Variants in SLC16A7 observed in about 807,000 individuals in gnomAD.
SLC16A7 encodes the protein monocarboxylate transporter 2.
In SLC16A7, 33 loss-of-function variants were observed where a neutral mutation model predicts 34.9. The ratio of observed to expected loss-of-function variants is 0.94; its 90% CI spans 0.72 to 1.26. The LOEUF is 1.26. SLC16A7 is among the 50% of genes most tolerant of loss of function. The pLI is 0.00. For missense variants in SLC16A7, 573 were observed against 578.1 expected (o/e 0.99, Z 0.09); for synonymous variants, 201 against 206.6 (o/e 0.97, Z 0.23).
intron 1 of SLC16A7, among the ~76,000 whole-genome samples, chr12:59,636,392 A>G (rs992609081): frequency 6.6e-6 from 1 of 152,128 alleles, no homozygotes; most frequent in Admixed American, 6.6e-5. Context: ...TGATTAAGTT[A>G]TTCTACAGAA....
At chr12:59,612,795 A>G (rs568672451) in intron 1 of SLC16A7, among the ~76,000 whole-genome samples, 12 of 152,342 alleles carry the variant, frequency 7.9e-5, no homozygotes, top group Admixed American at 3.3e-4. Flanking sequence ...CCTTTACTCC[A>G]GTTCCCAAAA....
chr12:59,723,339 A>G (rs376021216), intron 3 of SLC16A7, among the ~76,000 whole-genome samples: 10 of 151,934 alleles, frequency 6.6e-5, no homozygotes, highest in Admixed American at 1.3e-4. Flanking sequence ...TTTAATAAAC[A>G]TGTATTGAGA....
chr12:59,599,215 G>A (rs1426757122), intron 1 of SLC16A7, among the ~76,000 whole-genome samples: 1 of 152,206 alleles, frequency 6.6e-6, no homozygotes, highest in Non-Finnish European at 1.5e-5. Flanking sequence ...AGCAGAACTA[G>A]AGGGAAGGAG....
At chr12:59,664,010 G>A (rs1033218979) in intron 2 of SLC16A7, among the ~76,000 whole-genome samples, 1 of 152,010 alleles carries the variant, frequency 6.6e-6, no homozygotes, top group African/African-American at 2.4e-5. Flanking sequence ...ACTGATAGAG[G>A]AGTCTGGCAT....
In SLC16A7 at chr12:59,630,586, T is replaced by A. The variant is rs150262051; in HGVS notation, c.-129-24566T>A. On this transcript the variant is annotated intron_variant, in intron 1 of 5. Coordinates refer to ENST00000547379, the MANE Select transcript of SLC16A7 (RefSeq NM_001270623.2). ...GCTTTCTTCTTCCAACTAATGGCTA[T>A]GAACTAAACAAGATGATTTGTATTT... 1.4e-3 allele frequency among the ~76,000 whole-genome samples: 220 copies of A among 152,042 alleles called. 1 individual carries two copies. The highest frequency in any genetic ancestry group is 4.6e-3 in the African/African-American group (192 of 41,536).
intron 3 of SLC16A7, among the ~76,000 whole-genome samples, chr12:59,755,560 G>T (rs1046423110): frequency 6.6e-6 from 1 of 152,116 alleles, no homozygotes; most frequent in African/African-American, 2.4e-5. Context: ...GGATGAGAAG[G>T]ACCTCTTCAA....
At position 59,718,959 on chromosome 12, in the gene SLC16A7, G is replaced by A. The variant is rs749408138; in HGVS notation, c.217+13941G>A. On this transcript the variant is annotated intron_variant, in intron 3 of 5. Transcript: ENST00000547379. Reference sequence around the variant, plus strand: ...CTTTATGTTCTATCATCTAGGACCCGATTCCCCCACTTCTTTTGTCTTTTT... The same window carrying A: ...CTTTATGTTCTATCATCTAGGACCCAATTCCCCCACTTCTTTTGTCTTTTT... Among the ~76,000 whole-genome samples the A allele has an allele frequency of 3.9e-5, 6 of 152,154 alleles. No homozygotes were observed. The East Asian group carries it at 1.2e-3, about 29-fold the overall frequency.
chr12:59,759,091 C>T lies in SLC16A7; in HGVS notation c.218-12128C>T, dbSNP rs1017600865. 7.0e-4 allele frequency among the ~76,000 whole-genome samples: 106 copies of T among 151,906 alleles called. 1 individual carries two copies. Among genetic ancestry groups the T allele is most frequent in the Non-Finnish European group, 5.9e-5 (4 of 67,898 alleles). On this transcript the variant is annotated intron_variant, in intron 3 of 5. Coordinates refer to ENST00000547379, the MANE Select transcript of SLC16A7 (RefSeq NM_001270623.2). ...TTAATCTACTACTACATATACTAAT[C>T]TAATCTGATGACTACTGAGTATTTT...
At chr12:59,610,907 A>AGT (rs1879163992) in intron 1 of SLC16A7, among the ~76,000 whole-genome samples, 1 of 152,202 alleles carries the variant, frequency 6.6e-6, no homozygotes, top group South Asian at 2.1e-4. Context: ...CCATAGACTG[A>AGT]GTGCTTATAA....
At chr12:59,621,349 G>A (rs573289388) in intron 1 of SLC16A7, among the ~76,000 whole-genome samples, 31 of 152,008 alleles carry the variant, frequency 2.0e-4, no homozygotes, top group African/African-American at 7.5e-4. Context: ...AAGTGATCAT[G>A]GCTGTGATGA....
At chr12:59,751,701 A>G (rs933424758) in intron 3 of SLC16A7, among the ~76,000 whole-genome samples, 3 of 152,200 alleles carry the variant, frequency 2.0e-5, no homozygotes, top group African/African-American at 7.2e-5. Flanking sequence ...AAAAGACAGC[A>G]GTAACCTCTG....
intron 2 of SLC16A7, chr12:59,696,637 A>G (rs1020355561): frequency 6.6e-6 from 1 of 152,040 alleles, no homozygotes; most frequent in Non-Finnish European, 1.5e-5. Context: ...AGAATTGGGC[A>G]TAGGAAAAAA....
chr12:59,675,717 G>A (rs1033021764), intron 2 of SLC16A7, among the ~76,000 whole-genome samples: 1 of 152,080 alleles, frequency 6.6e-6, no homozygotes, highest in Non-Finnish European at 1.5e-5. Context: ...AATAAAATCT[G>A]TGTAGGGATT....
At chr12:59,737,806 T>A (rs1877773851) in intron 3 of SLC16A7, among the ~76,000 whole-genome samples, 1 of 152,132 alleles carries the variant, frequency 6.6e-6, no homozygotes, top group South Asian at 2.1e-4. Flanking sequence ...ATGGTCCTGT[T>A]TTTATCCTGT....
chr12:59,772,360 C>A (rs1882316200), intron 4 of SLC16A7, among the ~76,000 whole-genome samples: 1 of 152,076 alleles, frequency 6.6e-6, no homozygotes, highest in East Asian at 1.9e-4. Flanking sequence ...GAAGAGAGTG[C>A]CTTTTCTTTT....
chr12:59,653,403 A>G (rs1868384414), intron 1 of SLC16A7, among the ~76,000 whole-genome samples: 2 of 151,798 alleles, frequency 1.3e-5, no homozygotes, highest in South Asian at 4.1e-4. Flanking sequence ...ACAAAAATGG[A>G]TTACAGCAAA....
intron 1 of SLC16A7, among the ~76,000 whole-genome samples, chr12:59,648,673 C>A (rs748331493): frequency 9.9e-5 from 15 of 152,058 alleles, no homozygotes; most frequent in Admixed American, 4.6e-4. Flanking sequence ...AGAGACTAAC[C>A]AGTCTCAAGA....
At chr12:59,635,764 A>C (rs1189835937) in intron 1 of SLC16A7, among the ~76,000 whole-genome samples, 1 of 152,020 alleles carries the variant, frequency 6.6e-6, no homozygotes, top group African/African-American at 2.4e-5. Flanking sequence ...TTATCTGTCC[A>C]TCAGAAAAAA....
intron 2 of SLC16A7, among the ~76,000 whole-genome samples, chr12:59,682,575 A>G (rs1870825397): frequency 1.3e-5 from 2 of 152,172 alleles, no homozygotes; most frequent in African/African-American, 2.4e-5. Flanking sequence ...AATTTAGAGA[A>G]GGGAGATTTT....
Sources: allele counts gnomAD v4.1 joint callset (sites outside exome capture counted in the v4.1 genomes callset), GRCh38; gene constraint gnomAD v4.1.1; transcripts MANE v1.5; gene names NCBI Gene and HGNC (gene_info 2026-07-23, HGNC 2026-07-21).